The following PES1 variants were observed in gnomAD, a reference collection of about 807,000 sequenced individuals.
The protein encoded by PES1 is pescadillo ribosomal biogenesis factor 1, also known as pescadillo homolog.
In PES1, 31 loss-of-function variants were observed where a neutral mutation model predicts 77.1. The observed-to-expected ratio is 0.40, with a 90% confidence interval of 0.30 to 0.54. PES1 has a LOEUF of 0.54. Among genes scored for constraint, PES1 ranks in the 20% least tolerant of loss-of-function variants. The pLI is 0.45. For synonymous variants in PES1, 282 were observed against 303.0 expected, an observed-to-expected ratio of 0.93 and a Z score of 0.72; for missense variants, 658 against 771.7, an observed-to-expected ratio of 0.85 and a Z score of 1.75.
intron 2 of PES1, among the ~76,000 whole-genome samples, chr22:30,601,400 C>T (rs1454177292): frequency 1.3e-5 from 2 of 151,526 alleles, no homozygotes; most frequent in Admixed American, 6.6e-5. Context: ...CAGCAGCGTT[C>T]GCCTCCTGGG....
At chr22:30,591,768 G>T in intron 1 of PES1, 42 bp downstream of exon 1, 1 of 1,537,114 alleles carries the variant, frequency 6.5e-7, no homozygotes. Context: ...TGCCGCCCCC[G>T]CACCCCACCC....
Position 30,580,127 on chromosome 22 carries a change from G to C in PES1, c.1095C>G (p.Thr365=), listed in dbSNP as rs756064604. Residue 365 remains threonine (T), a synonymous_variant, in exon 11 of 15, where the codon ACC becomes ACG. Transcript: ENST00000354694. ...SWDKSLCIGA[T]YDVTDSRITH... The stretch of plus-strand genomic sequence containing the variant: ...TGATGCGGGAGTCTGTGACGTCATA[G>C]GTGGCCCCAATGCACAAAGATTTGT... The C allele has an allele frequency of 1.4e-5, 22 of 1,614,000 alleles. No individual in the cohort carries two copies. Among genetic ancestry groups the C allele is most frequent in the African/African-American group, 2.7e-5 (2 of 74,910 alleles).
chr22:30,595,540 A>T (rs2087241774), upstream of PES1, among the ~76,000 whole-genome samples: 1 of 37,716 alleles, frequency 2.7e-5, no homozygotes, highest in Admixed American at 2.9e-4. Flanking sequence ...CAGTGTCTCA[A>T]AAAAAAAAAA....
At chr22:30,577,295 T>C (rs566896297) in intron 14 of PES1, among the ~76,000 whole-genome samples, 166 bp from the exon 15 acceptor site, 1 of 152,272 alleles carries the variant, frequency 6.6e-6, no homozygotes, top group African/African-American at 2.4e-5. Context: ...AAACATGCGC[T>C]AGCCCTGCTT....
intron 4 of PES1, chr22:30,585,365 GC>G (rs1235578500): frequency 4.2e-6 from 2 of 471,106 alleles, no homozygotes; most frequent in African/African-American, 4.0e-5. Flanking sequence ...GCACTGTGTG[GC>G]TGCCCTGTTG....
exon 2 of PES1, chr22:30,605,499 C>G (rs1430750756): frequency 1.0e-6 from 1 of 985,216 alleles, no homozygotes; most frequent in African/African-American, 1.7e-5. Flanking sequence ...TCCATGGCCA[C>G]CTCCTCCAGG....
chr22:30,598,145 C>T (rs566125417), intron 2 of PES1, among the ~76,000 whole-genome samples: 2 of 152,308 alleles, frequency 1.3e-5, no homozygotes, highest in South Asian at 2.1e-4. Context: ...TTTGCAATAA[C>T]TCTTACTGCT....
chr22:30,592,579 C>T (rs1442195033), upstream of PES1, among the ~76,000 whole-genome samples: 1 of 152,132 alleles, frequency 6.6e-6, no homozygotes, highest in Non-Finnish European at 1.5e-5. Context: ...GGCGGATCAT[C>T]TGAGGTCAGG....
intron 2 of PES1, among the ~76,000 whole-genome samples, chr22:30,601,332 T>A (rs2087351184): frequency 6.6e-6 from 1 of 152,234 alleles, no homozygotes; most frequent in African/African-American, 2.4e-5. Flanking sequence ...TTTTTTTTTT[T>A]AAGATGGAGT....
Position 30,584,576 on chromosome 22 carries a change from G to C in PES1, c.510C>G (p.His170Gln). Residue 170 changes from histidine (H) to glutamine (Q), a missense_variant, in exon 5 of 15, where the codon CAC becomes CAG. His to Gln is a conservative substitution (Grantham distance 24). Transcript: ENST00000354694. The part of the protein sequence containing the change: ...LCRRLTVEFM[H>Q]YIIAARALRK... ...GCAGGGCACGGGCAGCGATAATGTA[G>C]TGCATGAACTCCACAGTGAGCCGGC... The C allele has an allele frequency of 6.2e-7, 1 of 1,612,622 alleles. No homozygotes were observed.
chr22:30,579,961 G>C (rs751344448), intron 11 of PES1, 26 bp from the exon 12 acceptor site: 1 of 1,611,292 alleles, frequency 6.2e-7, no homozygotes, highest in Non-Finnish European at 8.5e-7. Context: ...AGGCAAAAAC[G>C]AGTCACAGAG....
intron 14 of PES1, among the ~76,000 whole-genome samples, chr22:30,578,415 C>A (rs1001260862): frequency 2.6e-5 from 4 of 152,208 alleles, no homozygotes; most frequent in Admixed American, 2.0e-4. Flanking sequence ...GCCACTTCTG[C>A]ATCACTCATC....
At chr22:30,606,308 G>A (rs2087440991) in intron 1 of PES1, among the ~76,000 whole-genome samples, 1 of 152,054 alleles carries the variant, frequency 6.6e-6, no homozygotes, top group Non-Finnish European at 1.5e-5. Context: ...TTGGCTCACT[G>A]TAGCCTCCAC....
intron 2 of PES1, among the ~76,000 whole-genome samples, chr22:30,601,177 TAG>T (rs1239270049): frequency 6.6e-6 from 1 of 152,244 alleles, no homozygotes; most frequent in Non-Finnish European, 1.5e-5. Flanking sequence ...GGAGGGGAAT[TAG>T]ACTCATCTCT....
At chr22:30,591,918 A>C (rs915832315), upstream of PES1, 13 of 1,484,022 alleles carry the variant, frequency 8.8e-6, no homozygotes, top group African/African-American at 1.5e-4. Context: ...GACCCCGAGG[A>C]CCCTCCCCAC....
chr22:30,584,768 G>A (rs1387769566), intron 4 of PES1, 51 bp from the exon 5 acceptor site: 4 of 1,575,722 alleles, frequency 2.5e-6, no homozygotes, highest in South Asian at 1.1e-5. Context: ...TGGGTGCCAA[G>A]GGGGACCCTG....
chr22:30,584,214 G>A, intron 6 of PES1, 151 bp downstream of exon 6: 1 of 656,680 alleles, frequency 1.5e-6, no homozygotes, highest in Admixed American at 2.3e-5. Flanking sequence ...TGAGGATGCT[G>A]TGTGGCACAT....
chr22:30,597,906 C>G (rs1453520785), intron 2 of PES1, among the ~76,000 whole-genome samples: 10 of 113,062 alleles, frequency 8.8e-5, no homozygotes, highest in East Asian at 2.3e-4. Flanking sequence ...TGTTTTGAGT[C>G]GGAGTCTCAC....
At chr22:30,589,075 G>T in intron 2 of PES1, 116 bp downstream of exon 2, 1 of 702,840 alleles carries the variant, frequency 1.4e-6, no homozygotes, top group Non-Finnish European at 2.4e-6. Flanking sequence ...CGGTGAGAAA[G>T]AGAAGGAATA....
Sources: gnomAD v4.1 joint callset for allele counts (sites outside exome capture counted in the v4.1 genomes callset) on GRCh38, gnomAD v4.1.1 for gene constraint, MANE v1.5 for transcripts, NCBI Gene and HGNC (gene_info 2026-07-23, HGNC 2026-07-21) for gene names.